Variants in ELOA observed in about 807,000 individuals in gnomAD.
The protein encoded by ELOA is elongin-A.
ELOA carries 15 observed loss-of-function variants against 85.2 expected under a neutral mutation model. That is an observed-to-expected ratio of 0.18 (90% CI 0.12 to 0.27). The LOEUF is 0.27. Among genes scored for constraint, ELOA ranks in the 10% least tolerant of loss-of-function variants. The pLI, the probability that ELOA is intolerant of heterozygous loss-of-function variation, is 1.00. For missense variants in ELOA, 769 were observed against 952.7 expected (o/e 0.81, Z 2.54); for synonymous variants, 348 against 357.2 (o/e 0.97, Z 0.29).
chr1:23,749,153 T>G (rs1289133231), intron 2 of ELOA, 76 bp downstream of exon 2: 1 of 1,299,536 alleles, frequency 7.7e-7, no homozygotes, highest in Non-Finnish European at 1.1e-6. Context: ...TAGAATAAGG[T>G]TACAAGTATG....
intron 10 of ELOA, among the ~76,000 whole-genome samples, chr1:23,758,269 T>TTTTTTTA: frequency 1.1e-5 from 1 of 91,314 alleles, no homozygotes; most frequent in South Asian, 4.8e-4. Context: ...ATTTTTTTTT[T>TTTTTTTA]TTTTTTTTTT....
At position 23,759,828 on chromosome 1, in the gene ELOA, T is replaced by G; in HGVS notation, c.*255T>G. The G allele has an allele frequency of 2.0e-6, 1 of 497,386 alleles. No homozygotes were observed. The highest frequency in any genetic ancestry group is 1.9e-5 in the African/African-American group (1 of 51,860). 30.8% of individuals were successfully genotyped at this position (497,386 alleles called of 1,614,324 possible). ...GGATTTTAAAGGTCAATTATACTTT[T>G]GTTGTTCATTAGCATCTTTGTAAAC... On this transcript the variant is annotated 3_prime_UTR_variant, in exon 11 of 11. Coordinates refer to ENST00000613537, the MANE Select transcript of ELOA (RefSeq NM_003198.3).
chr1:23,757,279 C>A (rs1644798444), intron 10 of ELOA, among the ~76,000 whole-genome samples, 154 bp downstream of exon 10: 2 of 152,206 alleles, frequency 1.3e-5, no homozygotes, highest in Admixed American at 1.3e-4. Context: ...CTCCTTCCCC[C>A]TGCTTTGTCC....
Position 23,749,910 on chromosome 1 carries a change from C to A in ELOA, c.201C>A (p.Asp67Glu). The A allele has an allele frequency of 1.2e-6, 2 of 1,613,814 alleles. No homozygotes were observed. Among genetic ancestry groups the A allele is most frequent in the Non-Finnish European group, 1.7e-6 (2 of 1,179,854 alleles). Reference protein sequence around the residue: ...KHEHVGSFARDLVAQWKKLVP... With the variant: ...KHEHVGSFARELVAQWKKLVP... ...AGCATGTTGGAAGCTTTGCCAGGGA[C>A]CTAGTGGCCCAGTGGAAGAAGCTGG... The change falls in exon 3 of 11, where the codon GAC becomes GAA. Residue 67 changes from aspartate to glutamate, a missense_variant. Around this residue, in one of 4 missense-constraint regions of ELOA, gnomAD observed 440 missense variants for 474.0 expected, o/e 0.93. Transcript: ENST00000613537.
rs1254095175 is a variant in ELOA at position 23,743,517 on chromosome 1, C to G, written c.14C>G (p.Ser5Trp). 6 of 1,503,158 alleles carry G rather than the reference C, an allele frequency of 4.0e-6. No individual in the cohort carries two copies. Among genetic ancestry groups the G allele is most frequent in the African/African-American group, 2.9e-5 (2 of 69,170 alleles). The allele number at this position is 1,503,158 out of a possible 1,614,324, so 93.1% of individuals were successfully genotyped here. A position where few individuals can be genotyped will look rare whatever the true frequency, so the allele number is the denominator to read the frequency against. The stretch of plus-strand genomic sequence containing the variant: ...CCAGTGACAGCGATGGCGGCGGAGT[C>G]GGCGCTCCAAGTTGTGGAGAAGCTG... MAAE[S>W]ALQVVEKLQA... The change falls in exon 1 of 11, where the codon TCG (serine) becomes TGG (tryptophan). Residue 5 changes from serine (S) to tryptophan (W), a missense_variant. Physicochemically the swap from Ser to Trp is radical, Grantham distance 177 (BLOSUM62 -3). This residue lies in a region of ELOA where 440 missense variants were observed against 474.0 expected (regional missense o/e 0.93). Coordinates refer to ENST00000613537, the MANE Select transcript of ELOA (RefSeq NM_003198.3).
At position 23,750,170 on chromosome 1, in the gene ELOA, C is replaced by CTTTTTTTT. The variant is rs747972246; in HGVS notation, c.239+238_239+245dup. On this transcript the variant is annotated intron_variant, in intron 3 of 10. Coordinates refer to ENST00000613537, the MANE Select transcript of ELOA (RefSeq NM_003198.3). ...ACGTTATGAACATTTTGGTACGTTT[C>CTTTTTTTT]TTTTTTTTTTTTTTTTTTTTTTTGA... is the stretch of plus-strand genomic sequence containing the variant. Among the ~76,000 whole-genome samples, 219 of 90,506 alleles carry CTTTTTTTT rather than the reference C, an allele frequency of 2.4e-3. 3 individuals carry two copies. Among genetic ancestry groups the CTTTTTTTT allele is most frequent in the Middle Eastern group, 0.012 (1 of 82 alleles). 59.4% of individuals were successfully genotyped at this position (90,506 alleles called of 152,430 possible).
At chr1:23,743,859 C>T (rs975528639) in intron 1 of ELOA, among the ~76,000 whole-genome samples, 1 of 152,166 alleles carries the variant, frequency 6.6e-6, no homozygotes, top group Non-Finnish European at 1.5e-5. Context: ...CTCCCAGAGG[C>T]GCTCCGTGGC....
At chr1:23,758,414 C>T (rs1638242733) in intron 10 of ELOA, among the ~76,000 whole-genome samples, 1 of 148,872 alleles carries the variant, frequency 6.7e-6, no homozygotes, top group South Asian at 2.2e-4. Context: ...GCTGGGATTA[C>T]AGGTGCCCGC....
intron 10 of ELOA, among the ~76,000 whole-genome samples, chr1:23,757,910 A>C (rs1324276972): frequency 6.6e-6 from 1 of 151,866 alleles, no homozygotes; most frequent in Non-Finnish European, 1.5e-5. Context: ...CCATGGTGGC[A>C]TGTGCCTATA....
At chr1:23,744,410 T>A (rs1025801237) in intron 1 of ELOA, 1 of 152,210 alleles carries the variant, frequency 6.6e-6, no homozygotes, top group Non-Finnish European at 1.5e-5. Flanking sequence ...GTCACTCACT[T>A]CTCTGGTCTC....
intron 1 of ELOA, among the ~76,000 whole-genome samples, chr1:23,748,425 C>G (rs80313183): frequency 6.6e-6 from 1 of 152,284 alleles, no homozygotes; most frequent in Non-Finnish European, 1.5e-5. Flanking sequence ...GAAATGTGAT[C>G]AAACCCAGAT....
rs144663226 is a variant in ELOA, at chr1:23,750,889, G to A, written c.284G>A (p.Arg95Gln). 5.0e-6 allele frequency: 8 copies of A among 1,605,456 alleles called. No homozygotes were observed. Among genetic ancestry groups the A allele is most frequent in the Non-Finnish European group, 5.9e-6 (7 of 1,177,734 alleles). ...DEQDFEKSNS[R>Q]KRPRDALQKE... ...CAGGACTTTGAGAAGAGCAATTCCCGAAAGCGCCCTCGGGATGCCCTGCAG... is the reference window on the plus strand; with the variant it reads ...CAGGACTTTGAGAAGAGCAATTCCCAAAAGCGCCCTCGGGATGCCCTGCAG... Residue 95 changes from arginine to glutamine, a missense_variant, in exon 4 of 11, where the codon CGA (arginine) becomes CAA (glutamine). Transcript: ENST00000613537.
At position 23,760,562 on chromosome 1, in the gene ELOA, C is replaced by T. The variant is rs1557457855; in HGVS notation, c.*989C>T. 1 of 152,190 alleles carries T rather than the reference C, an allele frequency of 6.6e-6. No homozygotes were observed. The highest frequency in any genetic ancestry group is 1.5e-5 in the Non-Finnish European group (1 of 68,044). 9.4% of individuals were successfully genotyped at this position (152,190 alleles called of 1,614,324 possible). A position where few individuals can be genotyped will look rare whatever the true frequency, so the allele number is the denominator to read the frequency against. On this transcript the variant is annotated 3_prime_UTR_variant, in exon 11 of 11. Coordinates refer to ENST00000613537, the MANE Select transcript of ELOA (RefSeq NM_003198.3). ...CTTTAATCTCTTGTTCTCTGTGAAT[C>T]ACTATGAGAAGTGAATGGTTTTAAA...
chr1:23,754,273 C>T lies in ELOA; in HGVS notation c.1693+18C>T. ...CATCGATTGTAAGTCACACGCTTCT[C>T]TCTAGCTCTCAAGCACATTGTAGCA... On this transcript the variant is annotated intron_variant, in intron 6 of 10. Transcript: ENST00000613537. 3.7e-6 allele frequency: 6 copies of T among 1,614,148 alleles called. No individual in the cohort carries two copies. Among genetic ancestry groups the T allele is most frequent in the Non-Finnish European group, 5.1e-6 (6 of 1,180,006 alleles).
intron 5 of ELOA, 39 bp downstream of exon 5, chr1:23,752,557 A>G: frequency 6.3e-7 from 1 of 1,577,876 alleles, no homozygotes. Context: ...TGGGAAAAAG[A>G]TTTAAAAATT....
At chr1:23,755,267 A>T (rs1422439863) in intron 7 of ELOA, among the ~76,000 whole-genome samples, 1 of 152,004 alleles carries the variant, frequency 6.6e-6, no homozygotes, top group East Asian at 1.9e-4. Context: ...TCGCAGTTCT[A>T]CCCTTTGCTG....
In ELOA at chr1:23,751,510, A is replaced by G; in HGVS notation, c.905A>G (p.Lys302Arg). ...KPPSSGVKKE[K>R]DREGSSLKKK... ...CCCTCTAGTGGCGTAAAGAAAGAGA[A>G]GGACAGAGAGGGCAGCAGCCTGAAG... The change falls in exon 4 of 11, where the codon AAG becomes AGG. Residue 302 changes from lysine (K) to arginine (R), a missense_variant. Lys to Arg is a conservative substitution (Grantham distance 26, BLOSUM62 2). Coordinates refer to ENST00000613537, the MANE Select transcript of ELOA (RefSeq NM_003198.3). 1 of 1,614,128 alleles carries G rather than the reference A, an allele frequency of 6.2e-7. No homozygotes were observed. Among genetic ancestry groups the G allele is most frequent in the Non-Finnish European group, 8.5e-7 (1 of 1,180,040 alleles).
chr1:23,758,027 T>A (rs1344278096), intron 10 of ELOA, among the ~76,000 whole-genome samples: 3 of 151,634 alleles, frequency 2.0e-5, no homozygotes, highest in Admixed American at 6.6e-5. Flanking sequence ...GATGACAGAG[T>A]GAGACACTGT....
intron 7 of ELOA, among the ~76,000 whole-genome samples, chr1:23,755,570 T>G (rs1217165948): frequency 6.6e-6 from 1 of 151,798 alleles, no homozygotes; most frequent in Non-Finnish European, 1.5e-5. Context: ...TTATCTGAGG[T>G]CAGGAGTTCG....
Sources: allele counts gnomAD v4.1 joint callset (sites outside exome capture counted in the v4.1 genomes callset), GRCh38; gene constraint gnomAD v4.1.1; regional missense constraint gnomAD v4.1.1; transcripts MANE v1.5; gene names NCBI Gene and HGNC (gene_info 2026-07-23, HGNC 2026-07-21).